KCNG3: variants seen among roughly 807,000 people sequenced by gnomAD.
The protein encoded by KCNG3 is potassium voltage-gated channel modifier subfamily G member 3.
In KCNG3, 15 loss-of-function variants were observed where a neutral mutation model predicts 29.0. That is an observed-to-expected ratio of 0.52 (90% CI 0.35 to 0.80). The LOEUF is 0.80. KCNG3 is among the 30% of genes least tolerant of loss of function. KCNG3 has a pLI of 0.01. For synonymous variants in KCNG3, 322 were observed against 248.9 expected, an observed-to-expected ratio of 1.29 and a Z score of -2.76; for missense variants, 512 against 605.7, an observed-to-expected ratio of 0.85 and a Z score of 1.62.
chr2:42,475,208 C>G (rs1255244033), intron 1 of KCNG3, among the ~76,000 whole-genome samples: 11 of 152,098 alleles, frequency 7.2e-5, no homozygotes. Context: ...CAGTGTAGTC[C>G]CAGCTACTTG....
chr2:42,466,906 C>T (rs1673156116), intron 1 of KCNG3, among the ~76,000 whole-genome samples: 1 of 151,884 alleles, frequency 6.6e-6, no homozygotes, highest in Non-Finnish European at 1.5e-5. Context: ...GCACTTGCCA[C>T]CACGTCTGGC....
At chr2:42,394,787 T>C in the KCNG3 span, among the ~76,000 whole-genome samples, 1 of 152,216 alleles carries the variant, frequency 6.6e-6, no homozygotes, top group Non-Finnish European at 1.5e-5. Context: ...TCTGACCACC[T>C]TTGGCACATG....
At chr2:42,439,594 A>AAAAAAG (rs1191402539), downstream of KCNG3, among the ~76,000 whole-genome samples, 2 of 150,506 alleles carry the variant, frequency 1.3e-5, no homozygotes, top group Non-Finnish European at 3.0e-5. Flanking sequence ...CGTTAAAAAA[A>AAAAAAG]AAAAAGAAAA....
the KCNG3 span, among the ~76,000 whole-genome samples, chr2:42,394,887 G>C: frequency 1.3e-5 from 2 of 152,234 alleles, no homozygotes; most frequent in South Asian, 4.1e-4. Context: ...GATATCTGGG[G>C]TTCACACTTT....
At chr2:42,389,591 C>G in the KCNG3 span, among the ~76,000 whole-genome samples, 1 of 152,184 alleles carries the variant, frequency 6.6e-6, no homozygotes, top group Non-Finnish European at 1.5e-5. Context: ...TTTGTATCTA[C>G]AGAAAAGTTG....
chr2:42,477,980 G>C (rs1243706845), intron 1 of KCNG3, among the ~76,000 whole-genome samples: 2 of 152,022 alleles, frequency 1.3e-5, no homozygotes, highest in African/African-American at 2.4e-5. Context: ...GGATGAGTGA[G>C]AGGAGTGTTT....
chr2:42,468,079 T>G (rs944628893), intron 1 of KCNG3, among the ~76,000 whole-genome samples: 1 of 151,840 alleles, frequency 6.6e-6, no homozygotes. Context: ...GCAAAAATTC[T>G]ACATAAATTA....
the KCNG3 span, among the ~76,000 whole-genome samples, chr2:42,431,899 C>A: frequency 6.6e-6 from 1 of 152,008 alleles, no homozygotes; most frequent in African/African-American, 2.4e-5. Context: ...ATGAGCCAGG[C>A]ATGGTGGTGC....
intron 1 of KCNG3, among the ~76,000 whole-genome samples, chr2:42,453,236 A>G (rs1363395908): frequency 6.6e-6 from 1 of 152,212 alleles, no homozygotes; most frequent in Non-Finnish European, 1.5e-5. Flanking sequence ...TTGCTGGATC[A>G]TATGGTAGCT....
At chr2:42,404,147 G>A in the KCNG3 span, among the ~76,000 whole-genome samples, 1 of 152,258 alleles carries the variant, frequency 6.6e-6, no homozygotes, top group African/African-American at 2.4e-5. Flanking sequence ...TACCTAGTCA[G>A]TTAATTTTAT....
intron 1 of KCNG3, among the ~76,000 whole-genome samples, chr2:42,469,063 T>G: frequency 6.6e-6 from 1 of 151,398 alleles, no homozygotes; most frequent in East Asian, 1.9e-4. Context: ...GTTTTCATGG[T>G]AATTAATAAG....
At chr2:42,389,767 G>C in the KCNG3 span, among the ~76,000 whole-genome samples, 1 of 152,118 alleles carries the variant, frequency 6.6e-6, no homozygotes, top group Non-Finnish European at 1.5e-5. Context: ...TTTCCACTAA[G>C]GTTCTTTTAC....
chr2:42,477,382 T>TACACACACACACACACAC lies in KCNG3; in HGVS notation c.665+15454_665+15455insGTGTGTGTGTGTGTGTGT, dbSNP rs1328091998. The stretch of plus-strand genomic sequence containing the variant: ...GTATATACATATATATACACACACA[T>TACACACACACACACACAC]ATATATACACACACACACACACACA... On this transcript the variant is annotated intron_variant, in intron 1 of 1. Transcript: ENST00000306078. 9.5e-4 allele frequency among the ~76,000 whole-genome samples: 100 copies of TACACACACACACACACAC among 105,182 alleles called. 1 individual carries two copies. In the East Asian group the frequency reaches 0.014, roughly 15 times the overall value. The allele number at this position is 105,182 out of a possible 152,430, so 69.0% of individuals were successfully genotyped here.
At position 42,444,474 on chromosome 2, in the gene KCNG3, A is replaced by C; in HGVS notation, c.771T>G (p.Ile257Met). Residue 257 changes from isoleucine (I) to methionine (M), a missense_variant, in exon 2 of 2, where the codon ATT becomes ATG. This residue lies in a region of KCNG3 where 173 missense variants were observed against 262.4 expected (regional missense o/e 0.66). Transcript: ENST00000306078. This position sits in a 1 kb window ranked among gnomAD's most constrained non-coding sequence, Gnocchi z 5.8. ...AATACGGCGTGATTGCCAGTAAATC[A>C]ATGATGTTCAGGGGTCTCTTGACAA... is the stretch of plus-strand genomic sequence containing the variant. Reference protein sequence around the residue: ...CEFVKRPLNIIDLLAITPYYI... With the variant: ...CEFVKRPLNIMDLLAITPYYI... The C allele has an allele frequency of 6.2e-7, 1 of 1,614,202 alleles. No individual in the cohort carries two copies. The highest frequency in any genetic ancestry group is 8.5e-7 in the Non-Finnish European group (1 of 1,180,032).
chr2:42,391,956 C>T, the KCNG3 span, among the ~76,000 whole-genome samples: 27 of 152,296 alleles, frequency 1.8e-4, no homozygotes, highest in Admixed American at 5.9e-4. Flanking sequence ...GATGTTTTTA[C>T]GGTGCCAGGC....
chr2:42,464,840 C>T (rs568838868), intron 1 of KCNG3, among the ~76,000 whole-genome samples: 2 of 152,068 alleles, frequency 1.3e-5, no homozygotes, highest in African/African-American at 2.4e-5. Flanking sequence ...CATAGCACAA[C>T]GTGTAGTGGT....
chr2:42,481,182 T>C (rs73930411), intron 1 of KCNG3, among the ~76,000 whole-genome samples: 1,775 of 152,294 alleles, frequency 0.012, 37 homozygotes, highest in African/African-American at 0.04. Context: ...CAGACTCCCA[T>C]TGGTCCTGCA....
chr2:42,482,359 G>T (rs1673609047), intron 1 of KCNG3, among the ~76,000 whole-genome samples: 1 of 151,600 alleles, frequency 6.6e-6, no homozygotes. Context: ...CAGGAGAATT[G>T]CTTGAGGCCA....
chr2:42,434,009 G>C, the KCNG3 span, among the ~76,000 whole-genome samples: 1 of 152,024 alleles, frequency 6.6e-6, no homozygotes, highest in Non-Finnish European at 1.5e-5. Context: ...TAAGTGAATC[G>C]AAAGGCACCT....
Sources: gnomAD v4.1 joint callset for allele counts (sites outside exome capture counted in the v4.1 genomes callset) on GRCh38, gnomAD v4.1.1 for gene constraint, gnomAD v4.1.1 regional missense constraint, Gnocchi (gnomAD v3.1) non-coding constraint, MANE v1.5 for transcripts, NCBI Gene and HGNC (gene_info 2026-07-23, HGNC 2026-07-21) for gene names.